The following QRICH1 variants were observed in gnomAD, a reference collection of about 807,000 sequenced individuals.
QRICH1 encodes glutamine rich 1.
In QRICH1, 16 loss-of-function variants were observed where a neutral mutation model predicts 87.1. The observed-to-expected ratio is 0.18, with a 90% CI of 0.12 to 0.28. The LOEUF is 0.28. QRICH1 is among the 10% of genes least tolerant of loss of function. The pLI, the probability that QRICH1 is intolerant of heterozygous loss-of-function variation, is 1.00. For synonymous variants in QRICH1, 367 were observed against 368.4 expected (o/e 1.00, Z 0.05); for missense variants, 647 against 951.7 (o/e 0.68, Z 4.21).
intron 1 of QRICH1, among the ~76,000 whole-genome samples, chr3:49,090,526 G>A (rs1053163182): frequency 1.3e-5 from 2 of 151,410 alleles, no homozygotes; most frequent in Non-Finnish European, 2.9e-5. Context: ...TACTCCAGAG[G>A]CTGAGGCAGG....
chr3:49,048,490 A>AAAAAAAAC (rs2093351512), intron 3 of QRICH1, among the ~76,000 whole-genome samples: 3 of 147,284 alleles, frequency 2.0e-5, no homozygotes, highest in Non-Finnish European at 4.5e-5. Context: ...AAAAAAAAAA[A>AAAAAAAAC]AAAAAAAACC....
chr3:49,039,034 T>A (rs182919129), intron 6 of QRICH1, among the ~76,000 whole-genome samples: 239 of 151,006 alleles, frequency 1.6e-3, no homozygotes, highest in African/African-American at 5.1e-3. Flanking sequence ...CTCAAAAAAA[T>A]AAATAAATAA....
intron 3 of QRICH1, among the ~76,000 whole-genome samples, chr3:49,055,946 TG>T (rs2093399676): frequency 6.6e-6 from 1 of 152,090 alleles, no homozygotes; most frequent in Non-Finnish European, 1.5e-5. Flanking sequence ...CCCAAAGTAC[TG>T]GGGTAACATG....
rs1358028109 is a variant in QRICH1 at position 49,057,922 on chromosome 3, C to T, written c.310-32G>A. The T allele has an allele frequency of 6.2e-7, 1 of 1,613,664 alleles. No individual in the cohort carries two copies. The highest frequency in any genetic ancestry group is 1.3e-5 in the African/African-American group (1 of 74,816). ...GCAACAAGATTCATCAGTGAGTGAA[C>T]CAGGCAGCACTGAAAATCCAGTACC... On this transcript the variant is annotated intron_variant, in intron 2 of 9. Transcript: ENST00000395443. This position sits in a 1 kb window ranked among gnomAD's most constrained non-coding sequence, Gnocchi z 5.4.
chr3:49,089,954 G>A (rs573927618), intron 1 of QRICH1, among the ~76,000 whole-genome samples: 7 of 152,258 alleles, frequency 4.6e-5, no homozygotes, highest in African/African-American at 1.7e-4. Flanking sequence ...TTTATAATTT[G>A]TCATTAAATT....
intron 2 of QRICH1, among the ~76,000 whole-genome samples, chr3:49,069,098 A>ATTTTTTTT (rs1470081542): frequency 1.2e-5 from 1 of 83,884 alleles, no homozygotes; most frequent in Non-Finnish European, 2.1e-5. Context: ...TATTATTATT[A>ATTTTTTTT]TTATTATTAT....
At chr3:49,064,581 C>T (rs369690141) in intron 2 of QRICH1, among the ~76,000 whole-genome samples, 1 of 151,998 alleles carries the variant, frequency 6.6e-6, no homozygotes, top group African/African-American at 2.4e-5. Flanking sequence ...AAATTGTAAA[C>T]CATGCTGGGC....
intron 2 of QRICH1, among the ~76,000 whole-genome samples, chr3:49,070,414 T>A (rs532093211): frequency 5.9e-4 from 90 of 152,228 alleles, no homozygotes; most frequent in Admixed American, 3.3e-3. Context: ...GGTATTCATT[T>A]TTTCCAACAC....
At chr3:49,049,271 C>A (rs1296712314) in intron 3 of QRICH1, among the ~76,000 whole-genome samples, 3 of 151,536 alleles carry the variant, frequency 2.0e-5, no homozygotes, top group African/African-American at 4.8e-5. Context: ...GTGGTGAAAC[C>A]CCATCTCTAC....
At chr3:49,039,456 C>T (rs1436381500) in intron 6 of QRICH1, among the ~76,000 whole-genome samples, 4 of 148,128 alleles carry the variant, frequency 2.7e-5, no homozygotes, top group Admixed American at 6.7e-5. Context: ...CGAGGCGGGC[C>T]GATCACTTGA....
In QRICH1 at chr3:49,047,193, G is replaced by A. The variant is rs770496901; in HGVS notation, c.1392C>T (p.Ser464=). The A allele has an allele frequency of 1.2e-6, 2 of 1,614,150 alleles. No homozygotes were observed. Among genetic ancestry groups the A allele is most frequent in the East Asian group, 4.5e-5 (2 of 44,884 alleles). Reference sequence around the variant, plus strand: ...AAGAATTTGGAAGCAGAAGTTCTGGGGAAGGCTGTGGCTGTGACTGTGGTT... The same window carrying A: ...AAGAATTTGGAAGCAGAAGTTCTGGAGAAGGCTGTGGCTGTGACTGTGGTT... ...EVEPQSQPQP[S]PELLLPNSLK... The change falls in exon 4 of 10, where the codon TCC becomes TCT. Residue 464 remains serine (S), a synonymous_variant. Transcript: ENST00000395443.
intron 6 of QRICH1, among the ~76,000 whole-genome samples, chr3:49,035,227 C>T (rs1216593689): frequency 3.3e-5 from 5 of 152,220 alleles, no homozygotes; most frequent in Non-Finnish European, 2.9e-5. Context: ...TGCACCATCA[C>T]ACTCGATTAT....
intron 6 of QRICH1, among the ~76,000 whole-genome samples, chr3:49,043,198 A>G (rs567763352): frequency 6.6e-5 from 10 of 152,226 alleles, no homozygotes; most frequent in Admixed American, 6.5e-4. Context: ...AAAGTACTCT[A>G]AAACATAAAG....
At chr3:49,038,830 A>T (rs1037659816) in intron 6 of QRICH1, among the ~76,000 whole-genome samples, 1 of 151,710 alleles carries the variant, frequency 6.6e-6, no homozygotes, top group African/African-American at 2.4e-5. Flanking sequence ...GGTTCAAGAC[A>T]AGCCTAGGCA....
chr3:49,092,880 TA>T (rs1400120440), intron 1 of QRICH1, among the ~76,000 whole-genome samples: 1 of 152,258 alleles, frequency 6.6e-6, no homozygotes, highest in African/African-American at 2.4e-5. Flanking sequence ...CCATTTTGTT[TA>T]AGGCCAACTT....
chr3:49,063,397 T>C (rs2093446684), intron 2 of QRICH1, among the ~76,000 whole-genome samples: 1 of 152,168 alleles, frequency 6.6e-6, no homozygotes, highest in South Asian at 2.1e-4. Context: ...TGTAATTACA[T>C]GGTCAAATTT....
chr3:49,063,557 G>A (rs1005953070), intron 2 of QRICH1, among the ~76,000 whole-genome samples: 1 of 152,210 alleles, frequency 6.6e-6, no homozygotes, highest in Non-Finnish European at 1.5e-5. Flanking sequence ...GGGAGGCCAA[G>A]GCAGGAAAAC....
At chr3:49,092,403 C>T (rs2042293465) in intron 1 of QRICH1, 2 of 152,048 alleles carry the variant, frequency 1.3e-5, no homozygotes, top group Non-Finnish European at 2.9e-5. Flanking sequence ...TCACCAGTCA[C>T]CATGTTGCAT....
chr3:49,087,818 C>CAAAAAAAAAAAAAAAAAA lies in QRICH1; in HGVS notation c.-22+6076_-22+6093dup, dbSNP rs58022360. On this transcript the variant is annotated intron_variant, in intron 1 of 9. Transcript: ENST00000395443. ...GAACTCAGGAGGCGGAGGTTCATCT[C>CAAAAAAAAAAAAAAAAAA]AAAAAAAAAAAAAAAAAAAAAGAAC... Among the ~76,000 whole-genome samples the CAAAAAAAAAAAAAAAAAA allele has an allele frequency of 5.2e-3, 246 of 47,632 alleles. 42 individuals carry two copies. The highest frequency in any genetic ancestry group is 0.012 in the African/African-American group (137 of 11,494). 31.2% of individuals were successfully genotyped at this position (47,632 alleles called of 152,430 possible). A position where few individuals can be genotyped will look rare whatever the true frequency, so the allele number is the denominator to read the frequency against.
Sources: allele counts gnomAD v4.1 joint callset (sites outside exome capture counted in the v4.1 genomes callset), GRCh38; gene constraint gnomAD v4.1.1; non-coding constraint Gnocchi (gnomAD v3.1); transcripts MANE v1.5; gene names NCBI Gene and HGNC (gene_info 2026-07-23, HGNC 2026-07-21).